Variants in NPHP1 observed in about 807,000 individuals in gnomAD.
NPHP1 encodes the protein nephrocystin-1.
In NPHP1, 70 loss-of-function variants were observed where a neutral mutation model predicts 90.4. The ratio of observed to expected loss-of-function variants is 0.77; its 90% confidence interval spans 0.64 to 0.95. NPHP1 has a LOEUF of 0.95. NPHP1 is among the 40% of genes least tolerant of loss of function. NPHP1 has a pLI of 0.00. For missense variants in NPHP1, 764 were observed against 795.9 expected (o/e 0.96, Z 0.48); for synonymous variants, 256 against 271.7 (o/e 0.94, Z 0.57).
intron 3 of NPHP1, 40 bp from the exon 4 acceptor site, chr2:110,178,587 T>G: frequency 6.4e-7 from 1 of 1,574,488 alleles, no homozygotes; most frequent in Non-Finnish European, 8.6e-7. Context: ...AAAAATTAAT[T>G]TCAGTTTCCT....
At chr2:110,183,195 C>T (rs1404155808) in intron 2 of NPHP1, among the ~76,000 whole-genome samples, 1 of 152,174 alleles carries the variant, frequency 6.6e-6, no homozygotes, top group Non-Finnish European at 1.5e-5. Flanking sequence ...AACAAAATCT[C>T]TGCAGCACTG....
chr2:110,139,899 A>G (rs1354187339), intron 16 of NPHP1, among the ~76,000 whole-genome samples: 1 of 151,982 alleles, frequency 6.6e-6, no homozygotes, highest in Non-Finnish European at 1.5e-5. Context: ...TCAGGGGAGG[A>G]GAGAGGATGT....
At chr2:110,149,977 C>G (rs1278787791) in intron 12 of NPHP1, among the ~76,000 whole-genome samples, 1 of 152,062 alleles carries the variant, frequency 6.6e-6, no homozygotes, top group African/African-American at 2.4e-5. Context: ...AAAAATGAAC[C>G]CTGAAACTGA....
At chr2:110,128,117 C>T (rs1396808948) in intron 18 of NPHP1, 1 of 152,118 alleles carries the variant, frequency 6.6e-6, no homozygotes, top group South Asian at 2.1e-4. Context: ...CACCCCCCAA[C>T]CCAGCCAAGC....
At chr2:110,191,250 A>T (rs1198645791) in intron 2 of NPHP1, among the ~76,000 whole-genome samples, 1 of 152,178 alleles carries the variant, frequency 6.6e-6, no homozygotes, top group African/African-American at 2.4e-5. Flanking sequence ...GGGACAAGGG[A>T]ATTCCCTTTC....
In NPHP1 at chr2:110,144,457, C is replaced by A. The variant is rs1218892867; in HGVS notation, c.1429+36G>T. On this transcript the variant is annotated intron_variant, in intron 15 of 19. Coordinates refer to ENST00000445609, the MANE Select transcript of NPHP1 (RefSeq NM_001128178.3). ...TCTCAGATGCTTCTATTTGTTTAATCTTTAAGGAAAGGAAGACAACACATG... is the reference window on the plus strand; with the variant it reads ...TCTCAGATGCTTCTATTTGTTTAATATTTAAGGAAAGGAAGACAACACATG... 6.5e-6 allele frequency: 9 copies of A among 1,384,614 alleles called. No individual in the cohort carries two copies. The African/African-American group carries it at 1.1e-4, about 17-fold the overall frequency. 85.8% of individuals were successfully genotyped at this position (1,384,614 alleles called of 1,614,324 possible).
chr2:110,177,025 C>T (rs1358280036), intron 4 of NPHP1, among the ~76,000 whole-genome samples: 2 of 152,150 alleles, frequency 1.3e-5, no homozygotes, highest in Non-Finnish European at 2.9e-5. Context: ...ATCTCTGTCT[C>T]CTCAGTCGAG....
At chr2:110,198,823 C>T (rs1359536897) in intron 2 of NPHP1, among the ~76,000 whole-genome samples, 1 of 151,980 alleles carries the variant, frequency 6.6e-6, no homozygotes, top group Non-Finnish European at 1.5e-5. Flanking sequence ...GTAGAAAAGC[C>T]CATGAGAGCT....
In NPHP1 at chr2:110,150,189, GA is replaced by G; in HGVS notation, c.1150del (p.Ser384LeufsTer48). ...QPKKPKTWTFSPQVTRILPCL... is the reference protein window; with the variant it reads ...QPKKPKTWTFXPQVTRILPCL... ...ATTCAGCAGATTACTTACCTGGGGA[GA>G]AAAGGTCCATGTTTTGGGCTTTTTA... is the stretch of plus-strand genomic sequence containing the variant. On this transcript the variant is annotated frameshift_variant, in exon 12 of 20. Coordinates refer to ENST00000445609, the MANE Select transcript of NPHP1 (RefSeq NM_001128178.3). LOFTEE classifies it high-confidence loss of function. The G allele has an allele frequency of 1.2e-6, 2 of 1,612,806 alleles. No individual in the cohort carries two copies. Among genetic ancestry groups the G allele is most frequent in the Non-Finnish European group, 1.7e-6 (2 of 1,178,800 alleles).
intron 5 of NPHP1, among the ~76,000 whole-genome samples, chr2:110,169,351 A>G (rs780618464): frequency 6.6e-6 from 1 of 152,056 alleles, no homozygotes; most frequent in Admixed American, 6.5e-5. Context: ...CAAAATCACA[A>G]CTTTAAAAAT....
At chr2:110,189,993 TAGATA>T (rs1684590217) in intron 2 of NPHP1, among the ~76,000 whole-genome samples, 1 of 152,132 alleles carries the variant, frequency 6.6e-6, no homozygotes, top group Non-Finnish European at 1.5e-5. Flanking sequence ...CCAGAGTAGC[TAGATA>T]CAGAGTGTCA....
chr2:110,164,396 ATCTGTTTCC>A, intron 8 of NPHP1: 1 of 699,580 alleles, frequency 1.4e-6, no homozygotes, highest in Non-Finnish European at 2.5e-6. Flanking sequence ...AAAATTTAAC[ATCTGTTTCC>A]ACTCAAATGA....
At chr2:110,196,388 A>C (rs1279461409) in intron 2 of NPHP1, among the ~76,000 whole-genome samples, 1 of 152,240 alleles carries the variant, frequency 6.6e-6, no homozygotes, top group Non-Finnish European at 1.5e-5. Flanking sequence ...TATGCAGCCA[A>C]AAAACACATG....
chr2:110,138,134 C>T (rs561785527), intron 16 of NPHP1, among the ~76,000 whole-genome samples: 27 of 149,246 alleles, frequency 1.8e-4, no homozygotes, highest in Admixed American at 5.3e-4. Flanking sequence ...TGAGAACACA[C>T]GGACACAGGA....
intron 2 of NPHP1, among the ~76,000 whole-genome samples, chr2:110,193,358 T>C (rs942504354): frequency 1.1e-4 from 17 of 152,126 alleles, no homozygotes; most frequent in Admixed American, 7.2e-4. Flanking sequence ...GTTGCAATCC[T>C]AGTCTCTGAT....
rs1264287589 is a variant in NPHP1, at chr2:110,143,642, CT to C, written c.1430-2del. On this transcript the variant is annotated splice_acceptor_variant, in intron 15 of 19. Coordinates refer to ENST00000445609, the MANE Select transcript of NPHP1 (RefSeq NM_001128178.3). LOFTEE classifies it high-confidence loss of function. ...ATCTGGTAGAAAACACTGCCGTGTG[CT>C]TTTAAGAAAAATCAAAAGTAACTCA... is the stretch of plus-strand genomic sequence containing the variant. 1 of 1,608,994 alleles carries C rather than the reference CT, an allele frequency of 6.2e-7. No individual in the cohort carries two copies. Among genetic ancestry groups the C allele is most frequent in the Non-Finnish European group, 8.5e-7 (1 of 1,175,556 alleles).
intron 6 of NPHP1, among the ~76,000 whole-genome samples, chr2:110,166,730 A>T (rs1682753950): frequency 6.6e-6 from 1 of 151,982 alleles, no homozygotes; most frequent in Non-Finnish European, 1.5e-5. Context: ...TTTTGGGGGG[A>T]TCTTTTTGCA....
intron 2 of NPHP1, among the ~76,000 whole-genome samples, chr2:110,201,108 G>A (rs1473303668): frequency 6.6e-6 from 1 of 152,018 alleles, no homozygotes; most frequent in Admixed American, 6.6e-5. Flanking sequence ...AGTTAAAGTT[G>A]ACATCCCAAT....
At chr2:110,125,607 T>A (rs758592709) in intron 19 of NPHP1, 30 bp downstream of exon 19, 1 of 1,592,808 alleles carries the variant, frequency 6.3e-7, no homozygotes, top group African/African-American at 1.3e-5. Context: ...ACTGCAAATA[T>A]GGAGTTCAGT....
Sources: allele counts gnomAD v4.1 joint callset (sites outside exome capture counted in the v4.1 genomes callset), GRCh38; gene constraint gnomAD v4.1.1; transcripts MANE v1.5; gene names NCBI Gene and HGNC (gene_info 2026-07-23, HGNC 2026-07-21).